Variants in ATP1A1 observed in about 807,000 individuals in gnomAD.
ATP1A1 encodes ATPase Na+/K+ transporting subunit alpha 1, also known as sodium/potassium-transporting ATPase subunit alpha-1.
In ATP1A1, 14 loss-of-function variants were observed where a neutral mutation model predicts 114.8. The ratio of observed to expected loss-of-function variants is 0.12; its 90% CI spans 0.08 to 0.19. The LOEUF (loss-of-function observed/expected upper bound fraction) is 0.19, where lower values mean the gene tolerates loss of function less well. Ranked by LOEUF, ATP1A1 falls within the 10% of genes least tolerant of loss-of-function variation. The pLI is 1.00. For synonymous variants in ATP1A1, 471 were observed against 466.3 expected (o/e 1.01, Z -0.13); for missense variants, 524 against 1,290.7 (o/e 0.41, Z 9.10).
intron 9 of ATP1A1, 108 bp downstream of exon 9, chr1:116,390,519 C>CT: frequency 2.0e-6 from 2 of 1,021,190 alleles, no homozygotes; most frequent in South Asian, 1.8e-5. Context: ...CTCATGGCAG[C>CT]TTTTTCTTTC....
At position 116,401,890 on chromosome 1, in the gene ATP1A1, C is replaced by T; in HGVS notation, c.2951+235C>T. The T allele has an allele frequency of 1.8e-6, 1 of 566,236 alleles. No homozygotes were observed. Among genetic ancestry groups the T allele is most frequent in the Non-Finnish European group, 3.1e-6 (1 of 319,224 alleles). 35.1% of individuals were successfully genotyped at this position (566,236 alleles called of 1,614,324 possible). On this transcript the variant is annotated intron_variant, in intron 21 of 22. Transcript: ENST00000295598. This position sits in a 1 kb window ranked among gnomAD's most constrained non-coding sequence, Gnocchi z 4.7. ...TGGCCCAAGATAAGATAAAGCCACA[C>T]AGGCTCTAGCTCCATGGAACTGCTC... is the stretch of plus-strand genomic sequence containing the variant.
chr1:116,396,796 C>G, intron 14 of ATP1A1, 62 bp downstream of exon 14: 1 of 1,489,038 alleles, frequency 6.7e-7, no homozygotes, highest in South Asian at 1.4e-5. Flanking sequence ...GGTTTAAAAT[C>G]TTCAGCGTGG....
chr1:116,398,712 C>T lies in ATP1A1; in HGVS notation c.2216C>T (p.Ser739Leu). 6.2e-7 allele frequency: 1 copy of T among 1,614,130 alleles called. No individual in the cohort carries two copies. Among genetic ancestry groups the T allele is most frequent in the Non-Finnish European group, 8.5e-7 (1 of 1,180,016 alleles). ...GGGGTTGCTATGGGGATTGCTGGCTCAGATGTGTCCAAGCAAGCTGCTGAC... is the reference window on the plus strand; with the variant it reads ...GGGGTTGCTATGGGGATTGCTGGCTTAGATGTGTCCAAGCAAGCTGCTGAC... ...DIGVAMGIAG[S>L]DVSKQAADMI... The change falls in exon 16 of 23, where the codon TCA becomes TTA. Residue 739 changes from serine to leucine, a missense_variant. This residue lies in a region of ATP1A1 where 36 missense variants were observed against 199.6 expected (regional missense o/e 0.18). Coordinates refer to ENST00000295598, the MANE Select transcript of ATP1A1 (RefSeq NM_000701.8). This position sits in a 1 kb window ranked among gnomAD's most constrained non-coding sequence, Gnocchi z 6.1.
rs1652263105 is a variant in ATP1A1, at chr1:116,388,789, A to G, written c.636+17A>G. 6.2e-7 allele frequency: 1 copy of G among 1,613,914 alleles called. No individual in the cohort carries two copies. The highest frequency in any genetic ancestry group is 2.2e-5 in the East Asian group (1 of 44,880). On this transcript the variant is annotated intron_variant, in intron 6 of 22. Transcript: ENST00000295598. The surrounding 1 kb of genome is among the most constrained non-coding windows in gnomAD (Gnocchi z 5.6). ...GGCTGCAAGGTAGCTCTTTTATTTT[A>G]ACAAACCTCATAGCTAGCTCTGCTG...
rs549679372 is a variant in ATP1A1, at chr1:116,393,132, C to T, written c.1467+144C>T. The T allele has an allele frequency of 4.8e-5, 57 of 1,198,864 alleles. 1 individual carries two copies. The South Asian group carries it at 8.0e-4, about 17-fold the overall frequency. 74.3% of individuals were successfully genotyped at this position (1,198,864 alleles called of 1,614,324 possible). On this transcript the variant is annotated intron_variant, in intron 11 of 22. Transcript: ENST00000295598. This position sits in a 1 kb window ranked among gnomAD's most constrained non-coding sequence, Gnocchi z 5.0. ...TTTTGCCCTTGATTACCATAGAATG[C>T]CATAATTTAGTTGAATATCAGCAGG...
intron 1 of ATP1A1, among the ~76,000 whole-genome samples, chr1:116,377,653 C>T (rs571796833): frequency 1.1e-4 from 16 of 152,294 alleles, no homozygotes; most frequent in African/African-American, 3.4e-4. Flanking sequence ...ATGGGCTTTT[C>T]GGCCTTCTGT....
chr1:116,386,156 AAGGAGAG>A (rs1557783347), intron 3 of ATP1A1: 1 of 137,916 alleles, frequency 7.3e-6, no homozygotes, highest in Non-Finnish European at 1.6e-5. Flanking sequence ...AAAAAAAAAA[AAGGAGAG>A]AAGAACAAGG....
Position 116,387,477 on chromosome 1 carries a change from C to T in ATP1A1, c.373C>T (p.Pro125Ser). ...CATCCAAGCTGCTACAGAAGAGGAA[C>T]CTCAAAACGATAATGTGAGTTCTGT... is the stretch of plus-strand genomic sequence containing the variant. ...YSIQAATEEE[P>S]QNDNLYLGVV... The change falls in exon 4 of 23, where the codon CCT becomes TCT. Residue 125 changes from proline (P) to serine (S), a missense_variant. This residue lies in a region of ATP1A1 where 141 missense variants were observed against 316.6 expected (regional missense o/e 0.45). Transcript: ENST00000295598. This position sits in a 1 kb window ranked among gnomAD's most constrained non-coding sequence, Gnocchi z 6.7. 6.2e-7 allele frequency: 1 copy of T among 1,614,170 alleles called. No individual in the cohort carries two copies. The highest frequency in any genetic ancestry group is 8.5e-7 in the Non-Finnish European group (1 of 1,180,022).
chr1:116,399,176 G>C lies in ATP1A1; in HGVS notation c.2448+92G>C. The C allele has an allele frequency of 1.9e-6, 3 of 1,571,076 alleles. No individual in the cohort carries two copies. The highest frequency in any genetic ancestry group is 2.6e-6 in the Non-Finnish European group (3 of 1,151,214). The stretch of plus-strand genomic sequence containing the variant: ...TATGCTCCCAGCATCCATGAGGCTG[G>C]CGTTGGGAAAAGAAATTCTCAGGAC... On this transcript the variant is annotated intron_variant, in intron 17 of 22. Transcript: ENST00000295598. This position sits in a 1 kb window ranked among gnomAD's most constrained non-coding sequence, Gnocchi z 5.0.
At chr1:116,402,436 AC>A (rs1282185119) in intron 21 of ATP1A1, among the ~76,000 whole-genome samples, 1 of 152,124 alleles carries the variant, frequency 6.6e-6, no homozygotes, top group Non-Finnish European at 1.5e-5. Context: ...CCTTGCTCAG[AC>A]CCGTCTGGAC....
chr1:116,384,190 C>A lies in ATP1A1; in HGVS notation c.123+66C>A. ...AATCCATGATTTTTAATCCCCCAGG[C>A]CTCACTGTATTCTTCAAAGAACTGC... On this transcript the variant is annotated intron_variant, in intron 2 of 22. Transcript: ENST00000295598. This position sits in a 1 kb window ranked among gnomAD's most constrained non-coding sequence, Gnocchi z 5.1. 2 of 1,330,108 alleles carry A rather than the reference C, an allele frequency of 1.5e-6. No individual in the cohort carries two copies. The highest frequency in any genetic ancestry group is 1.1e-6 in the Non-Finnish European group (1 of 940,962). The allele number at this position is 1,330,108 out of a possible 1,614,324, so 82.4% of individuals were successfully genotyped here.
intron 1 of ATP1A1, chr1:116,383,470 G>T: frequency 1.6e-6 from 1 of 640,120 alleles, no homozygotes; most frequent in Non-Finnish European, 1.9e-6. Flanking sequence ...CATGAAATGA[G>T]GTTGGCACTA....
chr1:116,396,842 A>C (rs1652970751), intron 14 of ATP1A1, 108 bp downstream of exon 14: 11 of 1,347,318 alleles, frequency 8.2e-6, no homozygotes, highest in Non-Finnish European at 9.7e-6. Context: ...TGCTCTGAGT[A>C]GGAAATGTAC....
chr1:116,397,840 C>T lies in ATP1A1; in HGVS notation c.1974-48C>T. On this transcript the variant is annotated intron_variant, in intron 14 of 22. Coordinates refer to ENST00000295598, the MANE Select transcript of ATP1A1 (RefSeq NM_000701.8). This position sits in a 1 kb window ranked among gnomAD's most constrained non-coding sequence, Gnocchi z 4.2. ...CCCCTCTTGAGGTGATGGACACATG[C>T]TGGTGATGTGATGCGTGACTTTTTT... The T allele has an allele frequency of 1.3e-6, 2 of 1,584,744 alleles. No homozygotes were observed. The highest frequency in any genetic ancestry group is 1.7e-6 in the Non-Finnish European group (2 of 1,167,624).
At chr1:116,378,322 C>T (rs1488349373) in intron 1 of ATP1A1, among the ~76,000 whole-genome samples, 2 of 152,206 alleles carry the variant, frequency 1.3e-5, no homozygotes, top group Non-Finnish European at 2.9e-5. Context: ...TTACTAGTTC[C>T]TTTGTGAGTT....
intron 13 of ATP1A1, among the ~76,000 whole-genome samples, chr1:116,396,203 G>A (rs2101056778): frequency 6.7e-6 from 1 of 150,298 alleles, no homozygotes; most frequent in African/African-American, 2.5e-5. Context: ...TTTCCTCCAA[G>A]TTGTGCCAAT....
rs1312231394 is a variant in ATP1A1, at chr1:116,393,548, C to T, written c.1485C>T (p.Asn495=). 2 of 1,613,712 alleles carry T rather than the reference C, an allele frequency of 1.2e-6. No homozygotes were observed. The highest frequency in any genetic ancestry group is 1.7e-5 in the Admixed American group (1 of 59,988). The change falls in exon 12 of 23, where the codon AAC becomes AAT. Residue 495 remains asparagine, a synonymous_variant. Coordinates refer to ENST00000295598, the MANE Select transcript of ATP1A1 (RefSeq NM_000701.8). This position sits in a 1 kb window ranked among gnomAD's most constrained non-coding sequence, Gnocchi z 5.0. The stretch of plus-strand genomic sequence containing the variant: ...CTTCACAGTTGTCTATTCATAAGAA[C>T]CCCAACACATCGGAGCCCCAACACC... ...TNKYQLSIHK[N]PNTSEPQHLL...
intron 21 of ATP1A1, among the ~76,000 whole-genome samples, chr1:116,403,471 G>A (rs1382670766): frequency 6.6e-6 from 1 of 152,192 alleles, no homozygotes; most frequent in Non-Finnish European, 1.5e-5. Context: ...ACACTGGCAG[G>A]TCTTTATCTT....
intron 1 of ATP1A1, among the ~76,000 whole-genome samples, chr1:116,374,937 G>A (rs554315688): frequency 7.4e-4 from 112 of 152,254 alleles, no homozygotes; most frequent in Non-Finnish European, 1.5e-3. Flanking sequence ...TGCACAACTC[G>A]CCTCGCTTTT....
Sources: allele counts gnomAD v4.1 joint callset (sites outside exome capture counted in the v4.1 genomes callset), GRCh38; gene constraint gnomAD v4.1.1; regional missense constraint gnomAD v4.1.1; non-coding constraint Gnocchi (gnomAD v3.1); transcripts MANE v1.5; gene names NCBI Gene and HGNC (gene_info 2026-07-23, HGNC 2026-07-21).